Variants in LBHD1 observed in about 807,000 individuals in gnomAD.
LBHD1 encodes LBH domain containing 1, also known as LBH domain-containing protein 1.
A neutral mutation model predicts 31.1 loss-of-function variants in LBHD1; 28 were observed. The observed-to-expected ratio is 0.90, with a 90% CI of 0.67 to 1.24. The LOEUF (loss-of-function observed/expected upper bound fraction) is 1.24, where lower values mean the gene tolerates loss of function less well. Ranked by LOEUF, LBHD1 falls within the 50% of genes most tolerant of loss-of-function variation. The pLI is 0.00. For missense variants in LBHD1, 350 were observed against 323.0 expected (o/e 1.08, Z -0.64); for synonymous variants, 105 against 116.5 (o/e 0.90, Z 0.63).
Position 62,670,042 on chromosome 11 carries a change from C to T in LBHD1, c.-10-1G>A, listed in dbSNP as rs1345028685. The T allele has an allele frequency of 1.3e-5, 21 of 1,602,702 alleles. No individual in the cohort carries two copies. The highest frequency in any genetic ancestry group is 1.8e-5 in the Non-Finnish European group (21 of 1,174,184). On this transcript the variant is annotated splice_acceptor_variant, in intron 1 of 6. Transcript: ENST00000354588. LOFTEE classifies it low-confidence loss of function (5UTR_SPLICE). Reference sequence around the variant, plus strand: ...TGGCACAAGGGCCATGGTGGTGATTCTTAGAGTGCAAGATGATTGAACTCA... The same window carrying T: ...TGGCACAAGGGCCATGGTGGTGATTTTTAGAGTGCAAGATGATTGAACTCA...
intron 4 of LBHD1, chr11:62,665,505 G>C: frequency 6.4e-7 from 1 of 1,573,222 alleles, no homozygotes; most frequent in East Asian, 2.3e-5. Context: ...TGGCCCCCTC[G>C]GCGTCATGTC....
intron 3 of LBHD1, among the ~76,000 whole-genome samples, chr11:62,668,909 TG>T: frequency 6.6e-6 from 1 of 152,116 alleles, no homozygotes; most frequent in Admixed American, 6.5e-5. Flanking sequence ...TTTAGGTAGT[TG>T]GTCTTGGGGT....
chr11:62,665,358 C>T (rs1944771098), intron 4 of LBHD1: 10 of 881,522 alleles, frequency 1.1e-5, no homozygotes, highest in South Asian at 6.0e-5. Context: ...GCTGTAGTAG[C>T]CAGATTGGGC....
chr11:62,665,945 G>C (rs1944796951), intron 4 of LBHD1: 1 of 1,611,252 alleles, frequency 6.2e-7, no homozygotes, highest in African/African-American at 1.3e-5. Flanking sequence ...GCCCCTTTGC[G>C]GGTAGGGAGG....
Position 62,667,583 on chromosome 11 carries a change from G to C in LBHD1, c.478C>G (p.Arg160Gly), listed in dbSNP as rs76660687. The change falls in exon 4 of 7, where the codon CGT becomes GGT. Residue 160 changes from arginine to glycine, a missense_variant. By Grantham distance (125) the Arg-to-Gly change is moderately radical (BLOSUM62 -2). Transcript: ENST00000354588. ...HCPFWDSTGSRVCRSGFVEYS... is the reference protein window; with the variant it reads ...HCPFWDSTGSGVCRSGFVEYS... ...TCCACAAAGCCACTTCTACAAACAC[G>C]GGAGCCTGTTGAGTCCCAGAAGGGA... 4.1e-5 allele frequency: 66 copies of C among 1,614,120 alleles called. No homozygotes were observed. The East Asian group carries it at 1.5e-3, about 36-fold the overall frequency.
In LBHD1 at chr11:62,671,781, A is replaced by G. The variant is rs946315574; in HGVS notation, c.-228T>C. On this transcript the variant is annotated 5_prime_UTR_variant, in exon 1 of 7. Transcript: ENST00000354588. The stretch of plus-strand genomic sequence containing the variant: ...TGCGGAAAATGCTGATCTCAGTCGC[A>G]ATGCTGGGCGCAGGGGCTGGCGTGG... 4 of 1,613,974 alleles carry G rather than the reference A, an allele frequency of 2.5e-6. No individual in the cohort carries two copies. The highest frequency in any genetic ancestry group is 3.4e-6 in the Non-Finnish European group (4 of 1,180,004).
intron 5 of LBHD1, among the ~76,000 whole-genome samples, chr11:62,664,072 CAAAAAAGAGGAAAAAAAA>C (rs1944724678): frequency 1.9e-5 from 1 of 52,370 alleles, no homozygotes; most frequent in Non-Finnish European, 3.4e-5. Context: ...GACTCTGTCT[CAAAAAAGAGGAAAAAAAA>C]AAAAAAAAAA....
Position 62,665,153 on chromosome 11 carries a change from C to T in LBHD1, c.539-180G>A, listed in dbSNP as rs777093659. On this transcript the variant is annotated intron_variant, in intron 4 of 6. Coordinates refer to ENST00000354588, the MANE Select transcript of LBHD1 (RefSeq NM_024099.5). ...CACCGTTCGGGGCCGGTTGATCTTT[C>T]CCCCCGGAGCTCCCATAGTCGCGAT... 4.0e-5 allele frequency: 37 copies of T among 931,366 alleles called. No individual in the cohort carries two copies. In the East Asian group the frequency reaches 9.2e-4, roughly 23 times the overall value. 57.7% of individuals were successfully genotyped at this position (931,366 alleles called of 1,614,324 possible). A position where few individuals can be genotyped will look rare whatever the true frequency, so the allele number is the denominator to read the frequency against.
rs1221807182 is a variant in LBHD1 at position 62,669,985 on chromosome 11, C to T, written c.47G>A (p.Arg16Lys). ...GRSKEDGLWT[R>K]NSPGSSQHPE... Reference sequence around the variant, plus strand: ...ATGCTGGGAGGAGCCTGGGCTATTTCTAGTCCAAAGCCCATCCTCCTTGCT... The same window carrying T: ...ATGCTGGGAGGAGCCTGGGCTATTTTTAGTCCAAAGCCCATCCTCCTTGCT... The change falls in exon 2 of 7, where the codon AGA becomes AAA. Residue 16 changes from arginine to lysine, a missense_variant. Physicochemically the swap from Arg to Lys is conservative, Grantham distance 26. Transcript: ENST00000354588. The T allele has an allele frequency of 6.2e-7, 1 of 1,613,884 alleles. No homozygotes were observed. The highest frequency in any genetic ancestry group is 1.1e-5 in the South Asian group (1 of 91,060).
rs1944952654 is a variant in LBHD1 at position 62,671,900 on chromosome 11, C to T, written c.-347G>A. On this transcript the variant is annotated 5_prime_UTR_variant, in exon 1 of 7. Transcript: ENST00000354588. ...ACTGGTAGTCCCGAGGAAGGGTGGG[C>T]GGGTGGAGAGCCCCGGACTGGAGCT... 1.2e-6 allele frequency: 2 copies of T among 1,610,336 alleles called. No individual in the cohort carries two copies. The highest frequency in any genetic ancestry group is 2.7e-5 in the African/African-American group (2 of 74,820).
chr11:62,669,604 G>T (rs79221381), intron 3 of LBHD1, 37 bp downstream of exon 3: 2 of 1,589,524 alleles, frequency 1.3e-6, no homozygotes, highest in African/African-American at 2.7e-5. Flanking sequence ...AGAACATTCA[G>T]CTCACAGTGG....
Position 62,664,944 on chromosome 11 carries a change from C to T in LBHD1, c.568G>A (p.Ala190Thr). The change falls in exon 5 of 7, where the codon GCG (alanine) becomes ACG (threonine). Residue 190 changes from alanine to threonine, a missense_variant. Transcript: ENST00000354588. ...GAEEEAVQTPAGVESGAASEA... is the reference protein window; with the variant it reads ...GAEEEAVQTPTGVESGAASEA... ...GACGCCGCTCCCGATTCAACACCCGCCGGCGTTTGAACAGCTTCTTCTTCA... is the reference window on the plus strand; with the variant it reads ...GACGCCGCTCCCGATTCAACACCCGTCGGCGTTTGAACAGCTTCTTCTTCA... 1.9e-6 allele frequency: 3 copies of T among 1,611,240 alleles called. No individual in the cohort carries two copies. Among genetic ancestry groups the T allele is most frequent in the Non-Finnish European group, 2.5e-6 (3 of 1,179,038 alleles).
chr11:62,667,502 G>A (rs781071897), intron 4 of LBHD1, 21 bp downstream of exon 4: 2 of 1,604,226 alleles, frequency 1.2e-6, no homozygotes, highest in African/African-American at 1.3e-5. Flanking sequence ...AGATATTTGA[G>A]GGGGAGGGAA....
chr11:62,667,459 G>A, intron 4 of LBHD1, 64 bp downstream of exon 4: 2 of 1,515,516 alleles, frequency 1.3e-6, no homozygotes, highest in Non-Finnish European at 9.2e-7. Flanking sequence ...GATTGTAAGA[G>A]GATGGGTATA....
intron 1 of LBHD1, 44 bp from the exon 2 acceptor site, chr11:62,670,085 C>A: frequency 1.3e-6 from 2 of 1,535,366 alleles, no homozygotes; most frequent in South Asian, 1.3e-5. Context: ...GTACTGCTGC[C>A]CAGTGCACCC....
At position 62,670,045 on chromosome 11, in the gene LBHD1, A is replaced by T; in HGVS notation, c.-10-4T>A. The T allele has an allele frequency of 6.2e-7, 1 of 1,601,250 alleles. No individual in the cohort carries two copies. The highest frequency in any genetic ancestry group is 8.5e-7 in the Non-Finnish European group (1 of 1,173,442). ...CACAAGGGCCATGGTGGTGATTCTT[A>T]GAGTGCAAGATGATTGAACTCAGAG... On this transcript the variant is annotated splice_polypyrimidine_tract_variant and splice_region_variant and intron_variant, in intron 1 of 6. Transcript: ENST00000354588.
At chr11:62,667,915 CAA>C in intron 3 of LBHD1, 168 bp from the exon 4 acceptor site, 1 of 588,636 alleles carries the variant, frequency 1.7e-6, no homozygotes. Context: ...TCTACAAAAA[CAA>C]ATGAGCCCGG....
intron 5 of LBHD1, 23 bp from the exon 6 acceptor site, chr11:62,663,356 G>A: frequency 6.2e-7 from 1 of 1,610,778 alleles, no homozygotes; most frequent in Non-Finnish European, 8.5e-7. Flanking sequence ...TGGAAATAAA[G>A]AGAGCTAGGT....
Position 62,664,924 on chromosome 11 carries a change from C to T in LBHD1, c.588G>A (p.Ala196=). Residue 196 remains alanine (A), a synonymous_variant, in exon 5 of 7, where the codon GCG becomes GCA. Transcript: ENST00000354588. ...VQTPAGVESG[A]ASEAPGGRGC... ...CCCGACCACCCGGTGCCTCAGACGC[C>T]GCTCCCGATTCAACACCCGCCGGCG... 6.2e-7 allele frequency: 1 copy of T among 1,605,106 alleles called. No homozygotes were observed. The highest frequency in any genetic ancestry group is 8.5e-7 in the Non-Finnish European group (1 of 1,176,136).
Sources: allele counts gnomAD v4.1 joint callset (sites outside exome capture counted in the v4.1 genomes callset), GRCh38; gene constraint gnomAD v4.1.1; transcripts MANE v1.5; gene names NCBI Gene and HGNC (gene_info 2026-07-23, HGNC 2026-07-21).